The following ERBB4 variants were observed in gnomAD, a reference collection of about 807,000 sequenced individuals.
ERBB4 encodes the protein receptor tyrosine-protein kinase erbB-4.
Under a neutral mutation model 158.0 loss-of-function variants are expected in ERBB4, and 42 were observed. That is an observed-to-expected ratio of 0.27 (90% CI 0.21 to 0.34). The LOEUF (loss-of-function observed/expected upper bound fraction) is 0.34, where lower values mean the gene tolerates loss of function less well. ERBB4 is among the 10% of genes least tolerant of loss of function. The pLI is 1.00. For synonymous variants in ERBB4, 583 were observed against 558.7 expected (o/e 1.04, Z -0.61); for missense variants, 1,333 against 1,624.1 (o/e 0.82, Z 3.08).
chr2:211,388,120 T>C, intron 25 of ERBB4, 128 bp from the exon 26 acceptor site: 1 of 741,736 alleles, frequency 1.3e-6, no homozygotes, highest in Non-Finnish European at 2.4e-6. Context: ...TGCACAACAG[T>C]GAAGCTTCCT....
chr2:211,759,565 T>C (rs1278642564), intron 4 of ERBB4, among the ~76,000 whole-genome samples: 1 of 152,074 alleles, frequency 6.6e-6, no homozygotes, highest in Non-Finnish European at 1.5e-5. Flanking sequence ...GTTCTTCTGT[T>C]TCCTCTTCCT....
chr2:211,901,918 G>A (rs2079246904), intron 3 of ERBB4, among the ~76,000 whole-genome samples: 2 of 152,064 alleles, frequency 1.3e-5, no homozygotes, highest in South Asian at 4.1e-4. Flanking sequence ...CCTTAGACAT[G>A]GTGTGTAGGT....
intron 1 of ERBB4, among the ~76,000 whole-genome samples, chr2:212,303,128 A>T (rs2106213448): frequency 6.6e-6 from 1 of 151,566 alleles, no homozygotes; most frequent in South Asian, 2.1e-4. Flanking sequence ...AGGAGGCAGA[A>T]AACCACCCTG....
chr2:211,825,173 CTGTTT>C (rs751704608), intron 3 of ERBB4, among the ~76,000 whole-genome samples: 2 of 151,626 alleles, frequency 1.3e-5, no homozygotes, highest in Non-Finnish European at 2.9e-5. Context: ...TAGAATAAGT[CTGTTT>C]TAAGATGTTA....
chr2:211,689,125 A>C (rs552050597), intron 12 of ERBB4, among the ~76,000 whole-genome samples: 1 of 152,296 alleles, frequency 6.6e-6, no homozygotes, highest in South Asian at 2.1e-4. Context: ...AATAGTGCTT[A>C]TTTCTTTCTG....
intron 3 of ERBB4, among the ~76,000 whole-genome samples, chr2:211,936,275 G>T (rs1022500400): frequency 1.3e-5 from 2 of 151,128 alleles, no homozygotes; most frequent in Non-Finnish European, 3.0e-5. Context: ...CTATTTCATA[G>T]TAAATTGAAA....
At chr2:211,950,842 G>T (rs78675252) in intron 2 of ERBB4, among the ~76,000 whole-genome samples, 1 of 152,050 alleles carries the variant, frequency 6.6e-6, no homozygotes, top group African/African-American at 2.4e-5. Flanking sequence ...AAATTGCACC[G>T]CGTGGAAAAG....
intron 2 of ERBB4, among the ~76,000 whole-genome samples, chr2:211,994,459 T>C (rs1279095397): frequency 6.6e-6 from 1 of 152,208 alleles, no homozygotes; most frequent in Non-Finnish European, 1.5e-5. Context: ...ACTTACATTA[T>C]GTCCATTTTT....
chr2:212,535,289 T>C (rs1306079165), intron 1 of ERBB4, among the ~76,000 whole-genome samples: 6 of 152,092 alleles, frequency 3.9e-5, no homozygotes, highest in South Asian at 2.1e-4. Flanking sequence ...ATTGTACCGA[T>C]AGATGTGCTT....
intron 19 of ERBB4, among the ~76,000 whole-genome samples, chr2:211,594,495 T>G (rs746199399): frequency 6.6e-6 from 1 of 152,088 alleles, no homozygotes; most frequent in African/African-American, 2.4e-5. Context: ...TTATCAAAAT[T>G]TTGTAGACCA....
chr2:212,293,406 T>C (rs999389499), intron 1 of ERBB4, among the ~76,000 whole-genome samples: 3 of 152,024 alleles, frequency 2.0e-5, no homozygotes, highest in Admixed American at 2.0e-4. Flanking sequence ...CTTTCAATAA[T>C]AGAAAAATAG....
intron 1 of ERBB4, among the ~76,000 whole-genome samples, chr2:212,396,132 T>G (rs2091019358): frequency 6.6e-6 from 1 of 152,316 alleles, no homozygotes; most frequent in East Asian, 1.9e-4. Context: ...GGGAAACTAC[T>G]TGTCTGGAAA....
chr2:212,480,102 T>C (rs1689611633), intron 1 of ERBB4, among the ~76,000 whole-genome samples: 1 of 152,206 alleles, frequency 6.6e-6, no homozygotes, highest in South Asian at 2.1e-4. Context: ...TTTTCAACTC[T>C]GTCTCTAGGC....
At chr2:211,929,234 A>AGT (rs10542155) in intron 3 of ERBB4, among the ~76,000 whole-genome samples, 1,688 of 148,426 alleles carry the variant, frequency 0.011, 21 homozygotes, top group Admixed American at 0.041. Flanking sequence ...CTTTGGAATA[A>AGT]GTGTGTGTGT....
At chr2:211,571,035 CTTCT>C (rs144262518) in intron 19 of ERBB4, among the ~76,000 whole-genome samples, 15 of 81,258 alleles carry the variant, frequency 1.8e-4, no homozygotes, top group South Asian at 4.7e-4. Flanking sequence ...TCTGAGTACT[CTTCT>C]TCTTTTTTTT....
chr2:212,455,328 T>TTTTTAACACCTAGGTG (rs1349105698), intron 1 of ERBB4, among the ~76,000 whole-genome samples: 3 of 152,172 alleles, frequency 2.0e-5, no homozygotes, highest in Non-Finnish European at 4.4e-5. Flanking sequence ...CATTAGGTGA[T>TTTTTAACACCTAGGTG]CTCATGTATG....
At chr2:211,390,500 A>T (rs1197760146) in intron 25 of ERBB4, among the ~76,000 whole-genome samples, 1 of 152,216 alleles carries the variant, frequency 6.6e-6, no homozygotes, top group Non-Finnish European at 1.5e-5. Flanking sequence ...ATGAGTATTG[A>T]TTGCACATTT....
chr2:211,893,598 G>C (rs989038160), intron 3 of ERBB4, among the ~76,000 whole-genome samples: 2 of 140,880 alleles, frequency 1.4e-5, no homozygotes, highest in Admixed American at 1.4e-4. Context: ...CACAGCAAAA[G>C]AAGCTACCAT....
chr2:211,622,510 G>A (rs1054226342), intron 18 of ERBB4, among the ~76,000 whole-genome samples: 12 of 151,934 alleles, frequency 7.9e-5, no homozygotes, highest in African/African-American at 2.9e-4. Context: ...CACTTGGAGA[G>A]AAAAATTAAG....
Sources: allele counts gnomAD v4.1 joint callset (sites outside exome capture counted in the v4.1 genomes callset), GRCh38; gene constraint gnomAD v4.1.1; transcripts MANE v1.5; gene names NCBI Gene and HGNC (gene_info 2026-07-23, HGNC 2026-07-21).